The following CNTNAP2 variants were observed in gnomAD, a reference collection of about 807,000 sequenced individuals.
CNTNAP2 encodes contactin-associated protein-like 2.
In CNTNAP2, 98 loss-of-function variants were observed where a neutral mutation model predicts 155.2. The ratio of observed to expected loss-of-function variants is 0.63; its 90% CI spans 0.54 to 0.75. CNTNAP2 has a LOEUF of 0.75. Among genes scored for constraint, CNTNAP2 ranks in the 30% least tolerant of loss-of-function variants. The pLI is 0.00. For synonymous variants in CNTNAP2, 651 were observed against 631.2 expected (o/e 1.03, Z -0.47); for missense variants, 1,727 against 1,688.1 (o/e 1.02, Z -0.40).
intron 13 of CNTNAP2, among the ~76,000 whole-genome samples, chr7:147,712,472 A>C (rs1796413751): frequency 6.6e-6 from 1 of 152,316 alleles, no homozygotes; most frequent in Admixed American, 6.5e-5. Flanking sequence ...CACTATTCAC[A>C]ATAGCAAAGA....
intron 10 of CNTNAP2, among the ~76,000 whole-genome samples, chr7:147,415,004 A>G (rs1412559418): frequency 6.6e-6 from 1 of 151,802 alleles, no homozygotes; most frequent in Admixed American, 6.6e-5. Flanking sequence ...CTGAGAACTG[A>G]TAGAAAACAG....
At chr7:147,467,113 CATT>C (rs1798133894) in intron 10 of CNTNAP2, among the ~76,000 whole-genome samples, 1 of 152,088 alleles carries the variant, frequency 6.6e-6, no homozygotes, top group Non-Finnish European at 1.5e-5. Context: ...AACTGTTCTT[CATT>C]AGTGAATATT....
chr7:147,965,489 A>G (rs1390392325), intron 14 of CNTNAP2, among the ~76,000 whole-genome samples: 1 of 151,636 alleles, frequency 6.6e-6, no homozygotes, highest in African/African-American at 2.4e-5. Context: ...TCATGACATT[A>G]CTAGATCCCT....
At position 147,039,350 on chromosome 7, in the gene CNTNAP2, TC is replaced by T. The variant is rs1398360377; in HGVS notation, c.403-4555del. Reference sequence around the variant, plus strand: ...AGTACCCAATAGTTATCCTTTCTGCTCCTCTCCCTCCTTCCACCCTCCACTC... The same window carrying T: ...AGTACCCAATAGTTATCCTTTCTGCTCTCTCCCTCCTTCCACCCTCCACTC... On this transcript the variant is annotated intron_variant, in intron 3 of 23. Transcript: ENST00000361727. 2.0e-5 allele frequency among the ~76,000 whole-genome samples: 3 copies of T among 152,110 alleles called. No individual in the cohort carries two copies. The East Asian group carries it at 5.8e-4, about 29-fold the overall frequency.
chr7:147,201,170 A>G (rs929848539), intron 8 of CNTNAP2, among the ~76,000 whole-genome samples: 1 of 152,198 alleles, frequency 6.6e-6, no homozygotes, highest in African/African-American at 2.4e-5. Context: ...ATTACTCCAA[A>G]AGAATGGAGG....
At chr7:146,577,274 T>C (rs1305824485) in intron 1 of CNTNAP2, among the ~76,000 whole-genome samples, 1 of 152,122 alleles carries the variant, frequency 6.6e-6, no homozygotes, top group Non-Finnish European at 1.5e-5. Context: ...TATTGGCAGT[T>C]AAGTTTTTGC....
At chr7:146,665,240 C>T (rs554068038) in intron 1 of CNTNAP2, among the ~76,000 whole-genome samples, 28 of 152,158 alleles carry the variant, frequency 1.8e-4, no homozygotes, top group East Asian at 9.7e-4. Flanking sequence ...TGAGCCACCG[C>T]GCCCGGCGTC....
At chr7:146,841,825 A>T (rs1803730052) in intron 3 of CNTNAP2, among the ~76,000 whole-genome samples, 1 of 152,184 alleles carries the variant, frequency 6.6e-6, no homozygotes, top group Non-Finnish European at 1.5e-5. Flanking sequence ...AAGGACGGCT[A>T]AATGCAGAGA....
chr7:146,133,775 C>T (rs1229583789), intron 1 of CNTNAP2, among the ~76,000 whole-genome samples: 2 of 152,060 alleles, frequency 1.3e-5, no homozygotes, highest in Non-Finnish European at 2.9e-5. Context: ...TGATCTATAT[C>T]TCTGTTTTGG....
rs1032039390 is a variant in CNTNAP2 at position 147,113,443 on chromosome 7, T to TA, written c.754+5105dup. ...AACTGCCCAAGACTGAGTGATTTAT[T>TA]AAAAAAAAAAAAGAGGTTTACTTGA... is the stretch of plus-strand genomic sequence containing the variant. On this transcript the variant is annotated intron_variant, in intron 5 of 23. Coordinates refer to ENST00000361727, the MANE Select transcript of CNTNAP2 (RefSeq NM_014141.6). Among the ~76,000 whole-genome samples, 466 of 143,538 alleles carry TA rather than the reference T, an allele frequency of 3.2e-3. 2 individuals are homozygous for TA. Among genetic ancestry groups the TA allele is most frequent in the Admixed American group, 7.6e-3 (109 of 14,304 alleles). The allele number at this position is 143,538 out of a possible 152,430, so 94.2% of individuals were successfully genotyped here.
At chr7:146,137,391 C>T (rs1181155299) in intron 1 of CNTNAP2, among the ~76,000 whole-genome samples, 1 of 152,052 alleles carries the variant, frequency 6.6e-6, no homozygotes, top group Admixed American at 6.6e-5. Context: ...GAAAATAGGA[C>T]TGTTTCATCT....
chr7:147,038,398 T>A (rs372830846), intron 3 of CNTNAP2, among the ~76,000 whole-genome samples: 1 of 152,186 alleles, frequency 6.6e-6, no homozygotes, highest in African/African-American at 2.4e-5. Context: ...GTTGTATTAG[T>A]CAATGTTATT....
chr7:147,045,848 A>G (rs1206030497), intron 4 of CNTNAP2, among the ~76,000 whole-genome samples: 3 of 152,208 alleles, frequency 2.0e-5, no homozygotes, highest in East Asian at 3.9e-4. Flanking sequence ...ATACACACAC[A>G]TATACATACA....
rs140156373 is a variant in CNTNAP2 at position 147,211,740 on chromosome 7, C to G, written c.1348+79231C>G. On this transcript the variant is annotated intron_variant, in intron 8 of 23. Transcript: ENST00000361727. ...AAGAAACAACATTCTGGACTCCAGC[C>G]TTGGGAAAAAAATTATAACTAAGTC... 4.9e-4 allele frequency among the ~76,000 whole-genome samples: 75 copies of G among 151,954 alleles called. No homozygotes were observed. The East Asian group carries it at 0.013, about 27-fold the overall frequency.
intron 11 of CNTNAP2, among the ~76,000 whole-genome samples, chr7:147,498,894 C>T (rs1317906227): frequency 6.6e-6 from 1 of 151,898 alleles, no homozygotes; most frequent in Non-Finnish European, 1.5e-5. Flanking sequence ...GGTTATTATC[C>T]AAGGAATGGG....
At chr7:148,188,003 GCA>G (rs370428819) in intron 18 of CNTNAP2, among the ~76,000 whole-genome samples, 2 of 150,514 alleles carry the variant, frequency 1.3e-5, no homozygotes, top group East Asian at 1.9e-4. Flanking sequence ...GCACACACAT[GCA>G]CACACACACA....
chr7:146,799,727 C>T (rs1054011022), intron 2 of CNTNAP2, among the ~76,000 whole-genome samples: 1 of 152,138 alleles, frequency 6.6e-6, no homozygotes, highest in Non-Finnish European at 1.5e-5. Flanking sequence ...AGCCTAATAC[C>T]TAAGTCTGAA....
At chr7:147,160,311 GAACCA>G (rs1415563395) in intron 8 of CNTNAP2, among the ~76,000 whole-genome samples, 1 of 151,874 alleles carries the variant, frequency 6.6e-6, no homozygotes, top group Non-Finnish European at 1.5e-5. Flanking sequence ...ATATTCTCAG[GAACCA>G]AATTTGTTTA....
intron 1 of CNTNAP2, among the ~76,000 whole-genome samples, chr7:146,413,440 A>G (rs555092256): frequency 3.3e-5 from 5 of 152,312 alleles, no homozygotes; most frequent in Admixed American, 3.3e-4. Context: ...GTAAGGAAAC[A>G]CTATACATAG....
Sources: gnomAD v4.1 joint callset for allele counts (sites outside exome capture counted in the v4.1 genomes callset) on GRCh38, gnomAD v4.1.1 for gene constraint, MANE v1.5 for transcripts, NCBI Gene and HGNC (gene_info 2026-07-23, HGNC 2026-07-21) for gene names.